The following ARMCX2 variants were observed in gnomAD, a reference collection of about 807,000 sequenced individuals.
ARMCX2 encodes armadillo repeat-containing X-linked protein 2.
A neutral mutation model predicts 17.0 loss-of-function variants in ARMCX2; 2 were observed. That is an observed-to-expected ratio of 0.12 (90% CI 0.05 to 0.37). ARMCX2 has a LOEUF of 0.37. Ranked by LOEUF, ARMCX2 falls within the 10% of genes least tolerant of loss-of-function variation. ARMCX2 has a pLI of 1.00. For synonymous variants in ARMCX2, 182 were observed against 195.2 expected, an observed-to-expected ratio of 0.93 and a Z score of 0.57; for missense variants, 408 against 497.7, an observed-to-expected ratio of 0.82 and a Z score of 1.72.
Position 101,655,831 on chromosome X carries a change from A to G in ARMCX2, c.1758T>C (p.Phe586=). 8.3e-7 allele frequency: 1 copy of G among 1,207,448 alleles called. No individual in the cohort carries two copies. Among genetic ancestry groups the G allele is most frequent in the South Asian group, 1.8e-5 (1 of 56,251 alleles). The part of the protein sequence containing the change: ...IIYDNLRAEV[F]NYREFNKGSL... ...AACCTTTATTGAATTCTCTATAGTT[A>G]AACACTTCTGCTCTGAGATTGTCAT... The change falls in exon 6 of 6, where the codon TTT becomes TTC. Residue 586 remains phenylalanine (F), a synonymous_variant. Coordinates refer to ENST00000356824, the MANE Select transcript of ARMCX2 (RefSeq NM_177949.4).
chrX:101,657,752 G>C, intron 5 of ARMCX2, 37 bp from the exon 6 acceptor site: 1 of 482,466 alleles, frequency 2.1e-6, no homozygotes, highest in Non-Finnish European at 3.5e-6. Flanking sequence ...TTAGGGCTCT[G>C]GCTCACTTCG....
chrX:101,659,323 G>C (rs1304937246), intron 2 of ARMCX2, 96 bp downstream of exon 2: 1 of 109,218 alleles, frequency 9.2e-6, no homozygotes, highest in Non-Finnish European at 1.9e-5. Flanking sequence ...GGAGGGTGCC[G>C]GGGCGGTGGT....
In ARMCX2 at chrX:101,656,292, T is replaced by C; in HGVS notation, c.1297A>G (p.Ile433Val). The change falls in exon 6 of 6, where the codon ATT becomes GTT. Residue 433 changes from isoleucine to valine, a missense_variant. Coordinates refer to ENST00000356824, the MANE Select transcript of ARMCX2 (RefSeq NM_177949.4). ...TIRKLGGLPI[I>V]ANMINKTDPH... is the part of the protein sequence containing the mutation. ...TCAGTTTTGTTGATCATGTTTGCAA[T>C]AATTGGGAGGCCTCCCAATTTGCGG... The C allele has an allele frequency of 8.3e-7, 1 of 1,209,942 alleles. No individual in the cohort carries two copies. Among genetic ancestry groups the C allele is most frequent in the Non-Finnish European group, 1.1e-6 (1 of 894,289 alleles).
chrX:101,658,403 C>T (rs1556078209), intron 4 of ARMCX2, 58 bp downstream of exon 4: 1 of 111,774 alleles, frequency 8.9e-6, no homozygotes, highest in Non-Finnish European at 1.9e-5. Flanking sequence ...ATACTCTACT[C>T]TTGTCTCTGC....
rs1556061231 is a variant in ARMCX2, at chrX:101,656,914, C to T, written c.675G>A (p.Thr225=). 2 of 1,210,839 alleles carry T rather than the reference C, an allele frequency of 1.7e-6. No homozygotes were observed. Among genetic ancestry groups the T allele is most frequent in the Non-Finnish European group, 2.2e-6 (2 of 894,939 alleles). The change falls in exon 6 of 6, where the codon ACG becomes ACA. Residue 225 remains threonine (T), a synonymous_variant. Transcript: ENST00000356824. ...CAGTAGGTGCTGCAGCCCCAGTAGG[C>T]GTTGCCGGCACAGGAGCCTCAGCTG... The part of the protein sequence containing the change: ...TEAAEAPVPA[T]PTGAAAPTGA...
At position 101,656,950 on chromosome X, in the gene ARMCX2, C is replaced by T. The variant is rs200974747; in HGVS notation, c.639G>A (p.Ser213=). 220 of 1,208,941 alleles carry T rather than the reference C, an allele frequency of 1.8e-4. No homozygotes were observed. The highest frequency in any genetic ancestry group is 4.1e-4 in the South Asian group (23 of 56,747). Residue 213 remains serine, a synonymous_variant, in exon 6 of 6, where the codon TCG becomes TCA. Transcript: ENST00000356824. ...TKVAEAPGVA[S]PTEAAEAPVP... Reference sequence around the variant, plus strand: ...CAGGAGCCTCAGCTGCCTCGGTAGGCGATGCCACCCCGGGAGCTTCAGCTA... The same window carrying T: ...CAGGAGCCTCAGCTGCCTCGGTAGGTGATGCCACCCCGGGAGCTTCAGCTA...
rs1434276880 is a variant in ARMCX2, at chrX:101,657,662, C to T, written c.-74G>A. On this transcript the variant is annotated 5_prime_UTR_variant, in exon 6 of 6. Transcript: ENST00000356824. ...TAAGGTTAAGGGATGCCTGCTCGTC[C>T]GGGTGAGGCTCTTCAGTTTAGGCTT... The T allele has an allele frequency of 1.7e-5, 17 of 1,017,136 alleles. No individual in the cohort carries two copies. The highest frequency in any genetic ancestry group is 1.0e-4 in the Admixed American group (4 of 38,735). The allele number at this position is 1,017,136 out of a possible 1,213,427, so 83.8% of individuals were successfully genotyped here. A position where few individuals can be genotyped will look rare whatever the true frequency, so the allele number is the denominator to read the frequency against.
Position 101,657,490 on chromosome X carries a change from C to G in ARMCX2, c.99G>C (p.Gln33His). The stretch of plus-strand genomic sequence containing the variant: ...TGGGCTTGGCCATTCTCTTCTTGGT[C>G]TGGTCTCTCCCCCTGGTGTATTTGT... ...CVYKYTRGRDQTKKRMAKPKN... is the reference protein window; with the variant it reads ...CVYKYTRGRDHTKKRMAKPKN... The change falls in exon 6 of 6, where the codon CAG becomes CAC. Residue 33 changes from glutamine (Q) to histidine (H), a missense_variant. Around this residue, in one of 2 missense-constraint regions of ARMCX2, gnomAD observed 307 missense variants for 326.8 expected, o/e 0.94. Transcript: ENST00000356824. 1 of 1,212,100 alleles carries G rather than the reference C, an allele frequency of 8.3e-7. No homozygotes were observed. The highest frequency in any genetic ancestry group is 1.1e-6 in the Non-Finnish European group (1 of 895,604).
rs1556049595 is a variant in ARMCX2 at position 101,655,950 on chromosome X, T to G, written c.1639A>C (p.Ser547Arg). The G allele has an allele frequency of 1.3e-5, 16 of 1,210,091 alleles. No individual in the cohort carries two copies. The highest frequency in any genetic ancestry group is 1.8e-5 in the Non-Finnish European group (16 of 895,037). Residue 547 changes from serine to arginine, a missense_variant, in exon 6 of 6, where the codon AGT becomes CGT. By Grantham distance (110) the Ser-to-Arg change is moderately radical (BLOSUM62 -1). Coordinates refer to ENST00000356824, the MANE Select transcript of ARMCX2 (RefSeq NM_177949.4). ...CTAAATGATGCTGGCACTTGGGTAC[T>G]GAGAAGTTTCTTCAACATATCTGGA... The part of the protein sequence containing the change: ...ENPDMLKKLL[S>R]TQVPASFSSL...
Position 101,656,569 on chromosome X carries a change from T to G in ARMCX2, c.1020A>C (p.Glu340Asp). 8.3e-7 allele frequency: 1 copy of G among 1,210,844 alleles called. No individual in the cohort carries two copies. The change falls in exon 6 of 6, where the codon GAA becomes GAC. Residue 340 changes from glutamate (E) to aspartate (D), a missense_variant. Glu to Asp is a conservative substitution (Grantham distance 45). Transcript: ENST00000356824. ...AFLAEVPDSEEGESGWTDTES... is the reference protein window; with the variant it reads ...AFLAEVPDSEDGESGWTDTES... ...CTGTGTCAGTCCACCCGGACTCCCC[T>G]TCCTCAGAATCAGGGACCTCTGCCA...
Position 101,656,930 on chromosome X carries a change from G to C in ARMCX2, c.659C>G (p.Ala220Gly). Residue 220 changes from alanine to glycine, a missense_variant, in exon 6 of 6, where the codon GCT becomes GGT. Coordinates refer to ENST00000356824, the MANE Select transcript of ARMCX2 (RefSeq NM_177949.4). ...CCCAGTAGGCGTTGCCGGCACAGGAGCCTCAGCTGCCTCGGTAGGCGATGC... is the reference window on the plus strand; with the variant it reads ...CCCAGTAGGCGTTGCCGGCACAGGACCCTCAGCTGCCTCGGTAGGCGATGC... The part of the protein sequence containing the change: ...GVASPTEAAE[A>G]PVPATPTGAA... The C allele has an allele frequency of 8.3e-7, 1 of 1,211,045 alleles. No individual in the cohort carries two copies. The highest frequency in any genetic ancestry group is 1.8e-5 in the South Asian group (1 of 56,946).
chrX:101,656,766 T>C lies in ARMCX2; in HGVS notation c.823A>G (p.Thr275Ala). ...TGAIPKATSATGAVPKGGGKG... is the reference protein window; with the variant it reads ...TGAIPKATSAAGAVPKGGGKG... ...CCTCCACCTTTGGGTACCGCTCCAG[T>C]CGCTGATGTGGCTTTCGGTATAGCC... Residue 275 changes from threonine to alanine, a missense_variant, in exon 6 of 6, where the codon ACT becomes GCT. Thr to Ala is a moderately conservative substitution (Grantham distance 58). Transcript: ENST00000356824. 1.7e-6 allele frequency: 2 copies of C among 1,211,558 alleles called. No individual in the cohort carries two copies. The highest frequency in any genetic ancestry group is 2.2e-6 in the Non-Finnish European group (2 of 895,444).
Position 101,658,062 on chromosome X carries a change from C to G in ARMCX2, c.-128+11G>C, listed in dbSNP as rs1482712102. ...CCAAGGCCCCTACATGGTGCTCATGCACATACCAACCTGGGATCAAGAGCA... is the reference window on the plus strand; with the variant it reads ...CCAAGGCCCCTACATGGTGCTCATGGACATACCAACCTGGGATCAAGAGCA... On this transcript the variant is annotated intron_variant, in intron 5 of 5. Coordinates refer to ENST00000356824, the MANE Select transcript of ARMCX2 (RefSeq NM_177949.4). 2.2e-4 allele frequency: 24 copies of G among 109,653 alleles called. No individual in the cohort carries two copies. Among genetic ancestry groups the G allele is most frequent in the Non-Finnish European group, 3.4e-4 (19 of 55,320 alleles). The allele number at this position is 109,653 out of a possible 1,213,427, so 9.0% of individuals were successfully genotyped here.
chrX:101,657,261 C>T lies in ARMCX2; in HGVS notation c.328G>A (p.Gly110Arg), dbSNP rs1171846328. ...GCCTCTTGGGCCTGACTGCCTGCCC[C>T]ACTCTGAGCCTCAGCGCTGGATGCA... The part of the protein sequence containing the change: ...PAASSAEAQS[G>R]AGSQAQEADG... Residue 110 changes from glycine to arginine, a missense_variant, in exon 6 of 6, where the codon GGG becomes AGG. Physicochemically the swap from Gly to Arg is moderately radical, Grantham distance 125. Transcript: ENST00000356824. 2 of 1,207,131 alleles carry T rather than the reference C, an allele frequency of 1.7e-6. No homozygotes were observed. The highest frequency in any genetic ancestry group is 1.7e-5 in the African/African-American group (1 of 57,524).
chrX:101,655,493 A>G lies in ARMCX2; in HGVS notation c.*197T>C. ...AGTACAAGAGGTCTATTTATTTGGT[A>G]TTCATAAAATGGTTCAGCTTAAAGC... On this transcript the variant is annotated 3_prime_UTR_variant, in exon 6 of 6. Coordinates refer to ENST00000356824, the MANE Select transcript of ARMCX2 (RefSeq NM_177949.4). 3.2e-6 allele frequency: 1 copy of G among 308,691 alleles called. No individual in the cohort carries two copies. The highest frequency in any genetic ancestry group is 5.8e-6 in the Non-Finnish European group (1 of 173,609). The allele number at this position is 308,691 out of a possible 1,213,427, so 25.4% of individuals were successfully genotyped here.
chrX:101,656,496 T>C lies in ARMCX2; in HGVS notation c.1093A>G (p.Arg365Gly). ...CGCTTCTGCATGGCAACGGGTCTTC[T>C]TCCCCTCCCTCTGCGCTGGGTCTCG... ...EPETQRRGRG[R>G]RPVAMQKRPF... The change falls in exon 6 of 6, where the codon AGA becomes GGA. Residue 365 changes from arginine to glycine, a missense_variant. Arg to Gly is a moderately radical substitution (Grantham distance 125, BLOSUM62 -2). Around this residue, in one of 2 missense-constraint regions of ARMCX2, gnomAD observed 307 missense variants for 326.8 expected, o/e 0.94. Transcript: ENST00000356824. 1 of 1,210,800 alleles carries C rather than the reference T, an allele frequency of 8.3e-7. No individual in the cohort carries two copies. The highest frequency in any genetic ancestry group is 1.1e-6 in the Non-Finnish European group (1 of 895,293).
Position 101,656,108 on chromosome X carries a change from G to T in ARMCX2, c.1481C>A (p.Thr494Lys). 8.3e-7 allele frequency: 1 copy of T among 1,211,346 alleles called. No homozygotes were observed. Among genetic ancestry groups the T allele is most frequent in the Non-Finnish European group, 1.1e-6 (1 of 895,113 alleles). Residue 494 changes from threonine (T) to lysine (K), a missense_variant, in exon 6 of 6, where the codon ACA becomes AAA. By Grantham distance (78) the Thr-to-Lys change is moderately conservative. Coordinates refer to ENST00000356824, the MANE Select transcript of ARMCX2 (RefSeq NM_177949.4). ...GTAGTCATTAGTAATAGTCATGTTT[G>T]TTAGAAATTTTAGTCCAACTACTTG... is the stretch of plus-strand genomic sequence containing the variant. ...AVQVVGLKFL[T>K]NMTITNDYQH...
chrX:101,656,449 A>G lies in ARMCX2; in HGVS notation c.1140T>C (p.Asp380=), dbSNP rs1556054125. Residue 380 remains aspartate (D), a synonymous_variant, in exon 6 of 6, where the codon GAT becomes GAC. Coordinates refer to ENST00000356824, the MANE Select transcript of ARMCX2 (RefSeq NM_177949.4). ...MQKRPFPYEI[D]EILGVRDLRK... ...TGAGATCGCGGACACCCAGAATCTCATCAATTTCATAAGGAAAGGGGCGCT... is the reference window on the plus strand; with the variant it reads ...TGAGATCGCGGACACCCAGAATCTCGTCAATTTCATAAGGAAAGGGGCGCT... 2 of 1,210,914 alleles carry G rather than the reference A, an allele frequency of 1.7e-6. No individual in the cohort carries two copies. The highest frequency in any genetic ancestry group is 4.3e-5 in the Admixed American group (2 of 45,981).
Position 101,656,612 on chromosome X carries a change from T to C in ARMCX2, c.977A>G (p.Asn326Ser). 1 of 1,210,751 alleles carries C rather than the reference T, an allele frequency of 8.3e-7. No homozygotes were observed. The highest frequency in any genetic ancestry group is 1.8e-5 in the South Asian group (1 of 56,891). ...GAAAAAAASA[N>S]GGQAFLAEVP... Reference sequence around the variant, plus strand: ...CTCTGCCAGGAAAGCCTGTCCGCCATTAGCAGAGGCTGCAGCAGCTGCTGC... The same window carrying C: ...CTCTGCCAGGAAAGCCTGTCCGCCACTAGCAGAGGCTGCAGCAGCTGCTGC... Residue 326 changes from asparagine to serine, a missense_variant, in exon 6 of 6, where the codon AAT (asparagine) becomes AGT (serine). Around this residue, in one of 2 missense-constraint regions of ARMCX2, gnomAD observed 307 missense variants for 326.8 expected, o/e 0.94. Transcript: ENST00000356824.
Sources: allele counts gnomAD v4.1 joint callset, GRCh38; gene constraint gnomAD v4.1.1; regional missense constraint gnomAD v4.1.1; transcripts MANE v1.5; gene names NCBI Gene and HGNC (gene_info 2026-07-23, HGNC 2026-07-21).